The following COX7B2 variants were observed in gnomAD, a reference collection of about 807,000 sequenced individuals.
The protein encoded by COX7B2 is cytochrome c oxidase subunit 7B2.
For missense variants in COX7B2, 109 were observed against 95.9 expected, an observed-to-expected ratio of 1.14 and a Z score of -0.57; for synonymous variants, 37 against 32.1, an observed-to-expected ratio of 1.15 and a Z score of -0.51.
chr4:46,837,210 T>C lies in COX7B2; in HGVS notation c.-50+7750A>G, dbSNP rs1368087775. On this transcript the variant is annotated intron_variant, in intron 2 of 2. Transcript: ENST00000355591. The stretch of plus-strand genomic sequence containing the variant: ...CAGCTGCTTTAAAAATCACAAAAGG[T>C]GGAAACACCCAAGTGTACATCAACA... Among the ~76,000 whole-genome samples, 4 of 150,078 alleles carry C rather than the reference T, an allele frequency of 2.7e-5. No homozygotes were observed. In the South Asian group the frequency reaches 6.3e-4, roughly 24 times the overall value.
chr4:46,883,689 G>C (rs1303900020), intron 1 of COX7B2, among the ~76,000 whole-genome samples: 1 of 151,916 alleles, frequency 6.6e-6, no homozygotes, highest in Non-Finnish European at 1.5e-5. Context: ...AGTGAGCCAA[G>C]ATTGCACTTG....
intron 2 of COX7B2, among the ~76,000 whole-genome samples, chr4:46,844,127 T>C (rs1716114959): frequency 6.6e-6 from 1 of 152,022 alleles, no homozygotes; most frequent in African/African-American, 2.4e-5. Context: ...TAAATTATTA[T>C]AATGTCCATG....
chr4:46,788,324 T>C (rs535869124), intron 2 of COX7B2, among the ~76,000 whole-genome samples: 2 of 152,268 alleles, frequency 1.3e-5, no homozygotes, highest in South Asian at 2.1e-4. Context: ...ATTTCTCTGA[T>C]AGACAATAAA....
At chr4:46,894,760 A>G (rs572752607) in intron 1 of COX7B2, among the ~76,000 whole-genome samples, 5 of 152,224 alleles carry the variant, frequency 3.3e-5, no homozygotes, top group Non-Finnish European at 7.3e-5. Context: ...TCTAATACCC[A>G]GCATCTATAA....
intron 2 of COX7B2, among the ~76,000 whole-genome samples, chr4:46,828,316 T>C (rs1469069888): frequency 6.6e-6 from 1 of 152,074 alleles, no homozygotes; most frequent in Non-Finnish European, 1.5e-5. Flanking sequence ...TGACAAAAGC[T>C]TCACATATGA....
intron 1 of COX7B2, among the ~76,000 whole-genome samples, chr4:46,862,508 A>G (rs1296076109): frequency 1.3e-5 from 2 of 152,224 alleles, no homozygotes; most frequent in Non-Finnish European, 1.5e-5. Context: ...ATGAATATTC[A>G]TAAATTAAGT....
intron 1 of COX7B2, among the ~76,000 whole-genome samples, chr4:46,907,954 A>G (rs1420466070): frequency 1.4e-5 from 2 of 147,340 alleles, no homozygotes; most frequent in African/African-American, 5.0e-5. Flanking sequence ...CCCGGGTTCA[A>G]GCGATTCTCC....
At chr4:46,825,105 G>T (rs190596809) in intron 2 of COX7B2, among the ~76,000 whole-genome samples, 68 of 152,040 alleles carry the variant, frequency 4.5e-4, no homozygotes, top group Admixed American at 1.2e-3. Flanking sequence ...TATCTCTGCA[G>T]ATGACATGAT....
Position 46,909,241 on chromosome 4 carries a change from CG to C in COX7B2, c.-187del, listed in dbSNP as rs1720603358. 1 of 152,032 alleles carries C rather than the reference CG, an allele frequency of 6.6e-6. No homozygotes were observed. 9.4% of individuals were successfully genotyped at this position (152,032 alleles called of 1,614,324 possible). ...TTTCCGTTTTACAGCCTGGAGGGGT[CG>C]GGTAAAACAGGTACTTCCTGTGAGC... On this transcript the variant is annotated 5_prime_UTR_variant, in exon 1 of 3. Transcript: ENST00000355591.
chr4:46,840,459 G>T (rs1715857051), intron 2 of COX7B2, among the ~76,000 whole-genome samples: 2 of 151,996 alleles, frequency 1.3e-5, no homozygotes, highest in African/African-American at 4.8e-5. Context: ...ATAGTTGGGT[G>T]CACTGAGGAG....
In COX7B2 at chr4:46,799,821, T is replaced by C. The variant is rs1718555859; in HGVS notation, c.-50+45139A>G. Among the ~76,000 whole-genome samples the C allele has an allele frequency of 2.0e-5, 3 of 152,126 alleles. No individual in the cohort carries two copies. The South Asian group carries it at 6.2e-4, about 31-fold the overall frequency. ...ATTGTCCTGAAGTTTTATTTTTTCA[T>C]TGTGTCTCTGGCCAGGCTTTGGTAT... On this transcript the variant is annotated intron_variant, in intron 2 of 2. Coordinates refer to ENST00000355591, the MANE Select transcript of COX7B2 (RefSeq NM_130902.3).
chr4:46,878,054 C>T (rs1577687936), intron 1 of COX7B2, among the ~76,000 whole-genome samples: 1 of 151,188 alleles, frequency 6.6e-6, no homozygotes, highest in East Asian at 1.9e-4. Flanking sequence ...AAGAATATTA[C>T]TCACCCTTAA....
At chr4:46,768,104 G>C (rs144072913) in intron 2 of COX7B2, among the ~76,000 whole-genome samples, 4 of 152,334 alleles carry the variant, frequency 2.6e-5, no homozygotes, top group African/African-American at 9.6e-5. Flanking sequence ...CACGGATTGC[G>C]TAAGTGTTAA....
chr4:46,857,121 AG>A (rs1421975039), intron 1 of COX7B2, among the ~76,000 whole-genome samples: 9 of 152,222 alleles, frequency 5.9e-5, no homozygotes, highest in Non-Finnish European at 1.3e-4. Flanking sequence ...CTAGTGGTTA[AG>A]GGCACAGAAC....
At chr4:46,804,672 TA>T (rs1718891926) in intron 2 of COX7B2, among the ~76,000 whole-genome samples, 1 of 152,228 alleles carries the variant, frequency 6.6e-6, no homozygotes, top group African/African-American at 2.4e-5. Context: ...AACCTTGAGC[TA>T]GATACAGAGT....
chr4:46,856,412 C>G (rs1717010198), intron 1 of COX7B2, among the ~76,000 whole-genome samples: 1 of 152,128 alleles, frequency 6.6e-6, no homozygotes. Context: ...CACCTCAGCT[C>G]AGCACTAGAG....
chr4:46,761,467 C>T (rs1463238696), intron 2 of COX7B2, among the ~76,000 whole-genome samples: 1 of 152,136 alleles, frequency 6.6e-6, no homozygotes, highest in African/African-American at 2.4e-5. Flanking sequence ...CAGTCATTCC[C>T]ACTGTTTTCT....
At chr4:46,810,678 C>T (rs569086548) in intron 2 of COX7B2, among the ~76,000 whole-genome samples, 7 of 152,160 alleles carry the variant, frequency 4.6e-5, no homozygotes, top group Non-Finnish European at 7.4e-5. Flanking sequence ...ATGACTTACA[C>T]AACACCATTA....
At chr4:46,858,044 T>C (rs1295830375) in intron 1 of COX7B2, among the ~76,000 whole-genome samples, 1 of 152,172 alleles carries the variant, frequency 6.6e-6, no homozygotes, top group Non-Finnish European at 1.5e-5. Context: ...CTGCCACTGG[T>C]TGACATCCCA....
Sources: gnomAD v4.1 joint callset for allele counts (sites outside exome capture counted in the v4.1 genomes callset) on GRCh38, gnomAD v4.1.1 for gene constraint, MANE v1.5 for transcripts, NCBI Gene and HGNC (gene_info 2026-07-23, HGNC 2026-07-21) for gene names.